BAIAP2L2: variants seen among roughly 807,000 people sequenced by gnomAD.
The protein encoded by BAIAP2L2 is BAR/IMD domain containing adaptor protein 2 like 2, also known as BAR/IMD domain-containing adapter protein 2-like 2.
In BAIAP2L2, 65 loss-of-function variants were observed where a neutral mutation model predicts 60.4. That is an observed-to-expected ratio of 1.08 (90% confidence interval 0.88 to 1.32). The LOEUF (loss-of-function observed/expected upper bound fraction) is 1.32, where lower values mean the gene tolerates loss of function less well. Ranked by LOEUF, BAIAP2L2 falls within the 40% of genes most tolerant of loss-of-function variation. The pLI, the probability that BAIAP2L2 is intolerant of heterozygous loss-of-function variation, is 0.00. For missense variants in BAIAP2L2, 836 were observed against 741.2 expected, an observed-to-expected ratio of 1.13 and a Z score of -1.48; for synonymous variants, 344 against 301.7, an observed-to-expected ratio of 1.14 and a Z score of -1.45.
Position 38,097,914 on chromosome 22 carries a change from G to A in BAIAP2L2, c.465+149C>T, listed in dbSNP as rs570406811. On this transcript the variant is annotated intron_variant, in intron 6 of 13. Coordinates refer to ENST00000381669, the MANE Select transcript of BAIAP2L2 (RefSeq NM_025045.6). ...AGTTACGCCCACCCCACCAGGGGCT[G>A]GCTGACCTCCCCAGCCACGCTCATC... 14 of 745,228 alleles carry A rather than the reference G, an allele frequency of 1.9e-5. No homozygotes were observed. In the African/African-American group the frequency reaches 2.4e-4, roughly 13 times the overall value. The allele number at this position is 745,228 out of a possible 1,614,324, so 46.2% of individuals were successfully genotyped here. A position where few individuals can be genotyped will look rare whatever the true frequency, so the allele number is the denominator to read the frequency against.
chr22:38,086,656 G>A lies in BAIAP2L2; in HGVS notation c.1260-207C>T, dbSNP rs926025426. On this transcript the variant is annotated intron_variant, in intron 11 of 13. Transcript: ENST00000381669. Reference sequence around the variant, plus strand: ...CTTCAGGGCAGAGAGAGGGGCTCAGGGCCGGTGGTTCTCCAGGGGCTGAAG... The same window carrying A: ...CTTCAGGGCAGAGAGAGGGGCTCAGAGCCGGTGGTTCTCCAGGGGCTGAAG... Among the ~76,000 whole-genome samples the A allele has an allele frequency of 3.3e-5, 5 of 152,108 alleles. No individual in the cohort carries two copies. In the South Asian group the frequency reaches 8.3e-4, roughly 25 times the overall value.
Position 38,087,148 on chromosome 22 carries a change from T to TTCACGGGTG in BAIAP2L2, c.1234_1235insCACCCGTGA (p.Met411_Asn412insThrProVal), listed in dbSNP as rs2086109697. 6.3e-7 allele frequency: 1 copy of TTCACGGGTG among 1,591,928 alleles called. No homozygotes were observed. Among genetic ancestry groups the TTCACGGGTG allele is most frequent in the Non-Finnish European group, 8.5e-7 (1 of 1,170,880 alleles). On this transcript the variant is annotated inframe_insertion, in exon 11 of 14. Coordinates refer to ENST00000381669, the MANE Select transcript of BAIAP2L2 (RefSeq NM_025045.6). The stretch of plus-strand genomic sequence containing the variant: ...CCTGGAAGGCAGCTCGTTCCCGGGG[T>TTCACGGGTG]TCATGGGTGTCATGGGGGACATGGA...
Position 38,109,225 on chromosome 22 carries a change from G to A in BAIAP2L2, c.52-17C>T, listed in dbSNP as rs1465937165. ...CATGATGCTCTGGACCCCAGGGTCA[G>A]GGGAGGAAAAAGGTGTAGAGATGGG... On this transcript the variant is annotated splice_polypyrimidine_tract_variant and intron_variant, in intron 1 of 13. Coordinates refer to ENST00000381669, the MANE Select transcript of BAIAP2L2 (RefSeq NM_025045.6). 6 of 1,597,336 alleles carry A rather than the reference G, an allele frequency of 3.8e-6. No homozygotes were observed. The highest frequency in any genetic ancestry group is 5.1e-6 in the Non-Finnish European group (6 of 1,165,584).
At chr22:38,105,175 C>A (rs892936229) in intron 4 of BAIAP2L2, among the ~76,000 whole-genome samples, 1 of 152,028 alleles carries the variant, frequency 6.6e-6, no homozygotes. Flanking sequence ...GCCAGAGTCC[C>A]GCCAGGGCCT....
Position 38,098,195 on chromosome 22 carries a change from G to A in BAIAP2L2, c.349-16C>T, listed in dbSNP as rs572221144. 6.2e-7 allele frequency: 1 copy of A among 1,612,294 alleles called. No individual in the cohort carries two copies. Among genetic ancestry groups the A allele is most frequent in the Admixed American group, 1.7e-5 (1 of 60,030 alleles). On this transcript the variant is annotated splice_polypyrimidine_tract_variant and intron_variant, in intron 5 of 13. Coordinates refer to ENST00000381669, the MANE Select transcript of BAIAP2L2 (RefSeq NM_025045.6). ...GGCGGCTGTCCTGGGGTAGGGTGGA[G>A]TCGGGGAGGGAGAATCCCCCCACAT... is the stretch of plus-strand genomic sequence containing the variant.
intron 4 of BAIAP2L2, among the ~76,000 whole-genome samples, chr22:38,106,880 G>T (rs561263231): frequency 5.3e-5 from 8 of 152,284 alleles, no homozygotes; most frequent in South Asian, 2.1e-4. Flanking sequence ...CTGCTTGGCG[G>T]AAGGCCCTGG....
intron 7 of BAIAP2L2, 99 bp from the exon 8 acceptor site, chr22:38,089,773 C>A: frequency 9.0e-7 from 1 of 1,114,764 alleles, no homozygotes; most frequent in South Asian, 4.5e-5. Context: ...CAGGCCCTAC[C>A]AGCTCGGGAC....
chr22:38,087,877 C>A (rs1160587811), intron 10 of BAIAP2L2, among the ~76,000 whole-genome samples: 1 of 146,252 alleles, frequency 6.8e-6, no homozygotes, highest in Non-Finnish European at 1.5e-5. Context: ...TGTCCCTAAC[C>A]ACCCAGTCAG....
intron 7 of BAIAP2L2, chr22:38,090,098 C>CTTTTTTTTTT (rs2086248031): frequency 1.1e-5 from 1 of 89,108 alleles, no homozygotes; most frequent in African/African-American, 4.6e-5. Flanking sequence ...ATGGAAAATG[C>CTTTTTTTTTT]ATTTTTTTTT....
intron 4 of BAIAP2L2, among the ~76,000 whole-genome samples, chr22:38,105,316 C>T (rs78197201): frequency 0.015 from 2,246 of 150,862 alleles, 66 homozygotes; most frequent in African/African-American, 0.052. Flanking sequence ...AATGCCCTTA[C>T]CTCCTTCAGC....
At chr22:38,104,701 T>C (rs2146033232) in intron 4 of BAIAP2L2, among the ~76,000 whole-genome samples, 1 of 152,282 alleles carries the variant, frequency 6.6e-6, no homozygotes, top group Admixed American at 6.5e-5. Flanking sequence ...TCTCACCGTG[T>C]TAGCCAGGAT....
chr22:38,086,023 C>A (rs2086054905), intron 12 of BAIAP2L2, among the ~76,000 whole-genome samples: 1 of 152,230 alleles, frequency 6.6e-6, no homozygotes, highest in African/African-American at 2.4e-5. Context: ...CAGCCCCGTC[C>A]TACTGGCTAG....
chr22:38,088,894 CCCG>C lies in BAIAP2L2; in HGVS notation c.969_971del (p.Gly325del). On this transcript the variant is annotated inframe_deletion, in exon 10 of 14. Transcript: ENST00000381669. The stretch of plus-strand genomic sequence containing the variant: ...CCAGGGCGCGGACTCTCCTGGCGCC[CCCG>C]CCGCCGCCCGGGCGCTCGCCAAAGG... The C allele has an allele frequency of 1.3e-6, 2 of 1,571,714 alleles. No homozygotes were observed. Among genetic ancestry groups the C allele is most frequent in the Admixed American group, 1.8e-5 (1 of 55,420 alleles).
intron 4 of BAIAP2L2, among the ~76,000 whole-genome samples, chr22:38,105,136 C>T (rs574235937): frequency 2.6e-5 from 4 of 152,228 alleles, no homozygotes; most frequent in East Asian, 1.9e-4. Flanking sequence ...CAAGACCCTC[C>T]GAAGGTGTCC....
chr22:38,098,203 G>A, intron 5 of BAIAP2L2, 24 bp from the exon 6 acceptor site: 2 of 1,608,158 alleles, frequency 1.2e-6, no homozygotes, highest in Non-Finnish European at 8.5e-7. Context: ...GAGTCGGGGA[G>A]GGAGAATCCC....
chr22:38,097,647 C>G (rs2086468716), intron 6 of BAIAP2L2, among the ~76,000 whole-genome samples: 1 of 152,098 alleles, frequency 6.6e-6, no homozygotes, highest in South Asian at 2.1e-4. Context: ...GGGATGGGGC[C>G]CCAGGCTCAG....
Position 38,084,967 on chromosome 22 carries a change from G to A in BAIAP2L2, c.*333C>T, listed in dbSNP as rs546233096. The A allele has an allele frequency of 2.4e-3, 701 of 287,178 alleles. 1 individual carries two copies. The highest frequency in any genetic ancestry group is 3.6e-3 in the Non-Finnish European group (540 of 148,670). The allele number at this position is 287,178 out of a possible 1,614,324, so 17.8% of individuals were successfully genotyped here. A position where few individuals can be genotyped will look rare whatever the true frequency, so the allele number is the denominator to read the frequency against. ...TACAGAGAGGGCATGTGTTGGGCAC[G>A]GAGCAGGTACAAGGGGCTCCTCCCC... On this transcript the variant is annotated 3_prime_UTR_variant, in exon 14 of 14. Coordinates refer to ENST00000381669, the MANE Select transcript of BAIAP2L2 (RefSeq NM_025045.6).
At chr22:38,087,079 T>C in intron 11 of BAIAP2L2, 45 bp downstream of exon 11, 2 of 1,481,272 alleles carry the variant, frequency 1.4e-6, no homozygotes, top group Non-Finnish European at 1.8e-6. Context: ...AGTGACACCC[T>C]TGCCGGCGTC....
rs1226054249 is a variant in BAIAP2L2 at position 38,089,642 on chromosome 22, C to T, written c.645G>A (p.Leu215=). The change falls in exon 8 of 14, where the codon CTG becomes CTA. Residue 215 remains leucine, a synonymous_variant. Coordinates refer to ENST00000381669, the MANE Select transcript of BAIAP2L2 (RefSeq NM_025045.6). The part of the protein sequence containing the change: ...ARGMLQNRVL[L]WKEQSEASRS... ...GGCTGGCCTCAGACTGCTCCTTCCA[C>T]AGCAGCACGCGGTTCTGGAGCATCC... 6 of 1,231,790 alleles carry T rather than the reference C, an allele frequency of 4.9e-6. No homozygotes were observed. The highest frequency in any genetic ancestry group is 4.2e-5 in the Admixed American group (1 of 23,650). 76.3% of individuals were successfully genotyped at this position (1,231,790 alleles called of 1,614,324 possible). A position where few individuals can be genotyped will look rare whatever the true frequency, so the allele number is the denominator to read the frequency against.
Sources: allele counts gnomAD v4.1 joint callset (sites outside exome capture counted in the v4.1 genomes callset), GRCh38; gene constraint gnomAD v4.1.1; transcripts MANE v1.5; gene names NCBI Gene and HGNC (gene_info 2026-07-23, HGNC 2026-07-21).